The following GRM1 variants were observed in gnomAD, a reference collection of about 807,000 sequenced individuals.
GRM1 encodes glutamate metabotropic receptor 1, also known as metabotropic glutamate receptor 1.
Under a neutral mutation model 90.9 loss-of-function variants are expected in GRM1, and 33 were observed. The observed-to-expected ratio is 0.36, with a 90% confidence interval of 0.28 to 0.49. The LOEUF is 0.49. GRM1 is among the 20% of genes least tolerant of loss of function. The probability of loss-of-function intolerance (pLI) is 0.99; values close to 1 mark genes in which losing one functional copy is unlikely to be tolerated. For missense variants in GRM1, 1,190 were observed against 1,534.3 expected, an observed-to-expected ratio of 0.78 and a Z score of 3.75; for synonymous variants, 700 against 613.2, an observed-to-expected ratio of 1.14 and a Z score of -2.09.
intron 1 of GRM1, among the ~76,000 whole-genome samples, chr6:146,041,478 C>T (rs1791100576): frequency 6.6e-6 from 1 of 151,920 alleles, no homozygotes; most frequent in South Asian, 2.1e-4. Flanking sequence ...CTAGATGGTG[C>T]CCTAGGCCCA....
At chr6:146,165,745 G>A (rs1341651792) in intron 2 of GRM1, among the ~76,000 whole-genome samples, 1 of 152,080 alleles carries the variant, frequency 6.6e-6, no homozygotes, top group Non-Finnish European at 1.5e-5. Context: ...GGAAGGAGAA[G>A]GAATTTTGTT....
intron 1 of GRM1, among the ~76,000 whole-genome samples, chr6:146,140,058 TCC>T: frequency 6.9e-6 from 1 of 144,138 alleles, no homozygotes. Flanking sequence ...TCTTCTCCTT[TCC>T]TCTCCTCTTC....
Position 146,399,146 on chromosome 6 carries a change from G to C in GRM1, c.2107G>C (p.Ala703Pro). The C allele has an allele frequency of 6.2e-7, 1 of 1,614,020 alleles. No individual in the cohort carries two copies. Among genetic ancestry groups the C allele is most frequent in the South Asian group, 1.1e-5 (1 of 91,072 alleles). ...ICTRKPRFMS[A>P]WAQVIIASIL... Reference sequence around the variant, plus strand: ...CACCCGGAAGCCCAGGTTCATGAGTGCCTGGGCTCAGGTGATCATTGCCTC... The same window carrying C: ...CACCCGGAAGCCCAGGTTCATGAGTCCCTGGGCTCAGGTGATCATTGCCTC... Residue 703 changes from alanine to proline, a missense_variant, in exon 7 of 8, where the codon GCC (alanine) becomes CCC (proline). Physicochemically the swap from Ala to Pro is conservative, Grantham distance 27. Around this residue, in one of 10 missense-constraint regions of GRM1, gnomAD observed 414 missense variants for 598.4 expected, o/e 0.69. Transcript: ENST00000282753. The surrounding 1 kb of genome is among the most constrained non-coding windows in gnomAD (Gnocchi z 5.4).
intron 1 of GRM1, among the ~76,000 whole-genome samples, chr6:146,033,289 G>T (rs12196298): frequency 6.6e-6 from 1 of 152,030 alleles, no homozygotes; most frequent in African/African-American, 2.4e-5. Flanking sequence ...TAAGTATATA[G>T]TAGAGAAATA....
intron 3 of GRM1, among the ~76,000 whole-genome samples, chr6:146,344,848 G>C (rs772137290): frequency 6.6e-6 from 1 of 151,122 alleles, no homozygotes; most frequent in African/African-American, 2.4e-5. Flanking sequence ...TTTCACTCTT[G>C]TTGCCCAGGC....
intron 2 of GRM1, among the ~76,000 whole-genome samples, chr6:146,258,997 T>C (rs747859710): frequency 3.3e-5 from 5 of 152,182 alleles, no homozygotes; most frequent in Admixed American, 6.5e-5. Flanking sequence ...CCATCTAGAA[T>C]ACTGAAGAGT....
chr6:146,166,639 A>G (rs1056407865), intron 2 of GRM1, among the ~76,000 whole-genome samples: 1 of 152,156 alleles, frequency 6.6e-6, no homozygotes, highest in African/African-American at 2.4e-5. Context: ...GTCATGTTCC[A>G]GTTTTCTGAC....
chr6:146,305,742 A>G (rs1195273589), intron 3 of GRM1, among the ~76,000 whole-genome samples: 2 of 152,200 alleles, frequency 1.3e-5, no homozygotes, highest in Non-Finnish European at 2.9e-5. Flanking sequence ...TATGTAGGCT[A>G]CGCAGATATT....
chr6:146,126,993 A>G (rs1776221281), intron 1 of GRM1, among the ~76,000 whole-genome samples: 1 of 152,166 alleles, frequency 6.6e-6, no homozygotes. Flanking sequence ...ACACTTGGTG[A>G]AGGTAATAAA....
At chr6:146,253,656 A>G (rs1389124725) in intron 2 of GRM1, among the ~76,000 whole-genome samples, 1 of 152,156 alleles carries the variant, frequency 6.6e-6, no homozygotes, top group East Asian at 1.9e-4. Context: ...TTTTTTCTCA[A>G]GGTGCATAAT....
chr6:146,197,640 A>G (rs1250798045), intron 2 of GRM1, among the ~76,000 whole-genome samples: 1 of 152,248 alleles, frequency 6.6e-6, no homozygotes, highest in East Asian at 1.9e-4. Context: ...AGACTTTATT[A>G]TAAGAAATTA....
chr6:146,403,910 A>T (rs1345495521), intron 7 of GRM1, among the ~76,000 whole-genome samples: 2 of 152,152 alleles, frequency 1.3e-5, no homozygotes, highest in Non-Finnish European at 2.9e-5. Context: ...TGATCAAATC[A>T]GGGTAATTAG....
chr6:146,352,764 A>G, intron 4 of GRM1, among the ~76,000 whole-genome samples: 1 of 152,168 alleles, frequency 6.6e-6, no homozygotes, highest in Admixed American at 6.5e-5. Flanking sequence ...CCCTTTTTCC[A>G]GAATGCTTGG....
chr6:146,219,793 T>G (rs1216992132), intron 2 of GRM1, among the ~76,000 whole-genome samples: 1 of 152,152 alleles, frequency 6.6e-6, no homozygotes, highest in Non-Finnish European at 1.5e-5. Flanking sequence ...GACAGGGGCT[T>G]TCTTTGGGGA....
At chr6:146,218,775 A>G (rs1779957731) in intron 2 of GRM1, among the ~76,000 whole-genome samples, 1 of 152,166 alleles carries the variant, frequency 6.6e-6, no homozygotes, top group Non-Finnish European at 1.5e-5. Context: ...CAATTTCTGG[A>G]GGCTCACTAG....
chr6:146,299,486 A>T (rs1363757513), intron 2 of GRM1, among the ~76,000 whole-genome samples: 1 of 152,148 alleles, frequency 6.6e-6, no homozygotes, highest in Non-Finnish European at 1.5e-5. Flanking sequence ...AGTGGTATTT[A>T]GTCAAAAGCC....
chr6:146,240,993 A>T (rs1780837239), intron 2 of GRM1, among the ~76,000 whole-genome samples: 1 of 152,110 alleles, frequency 6.6e-6, no homozygotes, highest in Non-Finnish European at 1.5e-5. Context: ...GAGTAGATTC[A>T]GGAGGGAAAC....
chr6:146,200,599 T>C (rs1779267812), intron 2 of GRM1, among the ~76,000 whole-genome samples: 1 of 152,184 alleles, frequency 6.6e-6, no homozygotes, highest in African/African-American at 2.4e-5. Flanking sequence ...AAACTCTATT[T>C]TTCCATCTGT....
At chr6:146,309,334 G>A (rs1203339200) in intron 3 of GRM1, among the ~76,000 whole-genome samples, 1 of 151,882 alleles carries the variant, frequency 6.6e-6, no homozygotes, top group East Asian at 1.9e-4. Context: ...GGGAGGCAGA[G>A]GTTGCAGTGA....
Sources: allele counts gnomAD v4.1 joint callset (sites outside exome capture counted in the v4.1 genomes callset), GRCh38; gene constraint gnomAD v4.1.1; regional missense constraint gnomAD v4.1.1; non-coding constraint Gnocchi (gnomAD v3.1); transcripts MANE v1.5; gene names NCBI Gene and HGNC (gene_info 2026-07-23, HGNC 2026-07-21).